Variants in NEDD4 observed in about 807,000 individuals in gnomAD.
The protein encoded by NEDD4 is NEDD4 E3 ubiquitin protein ligase.
A neutral mutation model predicts 144.9 loss-of-function variants in NEDD4; 99 were observed. The ratio of observed to expected loss-of-function variants is 0.68; its 90% CI spans 0.58 to 0.81. The LOEUF is 0.81. NEDD4 is among the 30% of genes least tolerant of loss of function. NEDD4 has a pLI of 0.00. For missense variants in NEDD4, 985 were observed against 1,065.9 expected (o/e 0.92, Z 1.06); for synonymous variants, 318 against 350.6 (o/e 0.91, Z 1.04).
At chr15:55,858,484 T>C (rs1173161809) in intron 11 of NEDD4, among the ~76,000 whole-genome samples, 1 of 152,078 alleles carries the variant, frequency 6.6e-6, no homozygotes, top group Non-Finnish European at 1.5e-5. Flanking sequence ...ATTTTTGTAT[T>C]TTTAGTAGTG....
intron 18 of NEDD4, among the ~76,000 whole-genome samples, chr15:55,845,255 T>C (rs1362433404): frequency 2.0e-5 from 3 of 152,186 alleles, no homozygotes; most frequent in African/African-American, 7.2e-5. Flanking sequence ...TTAATTTCTC[T>C]CTTAATTCTC....
At chr15:55,889,806 T>G (rs909907324) in intron 5 of NEDD4, among the ~76,000 whole-genome samples, 1 of 152,112 alleles carries the variant, frequency 6.6e-6, no homozygotes, top group Admixed American at 6.6e-5. Flanking sequence ...GTTCAAGCAA[T>G]TCTTGTGCCT....
chr15:55,915,410 G>A, intron 5 of NEDD4: 1 of 1,613,736 alleles, frequency 6.2e-7, no homozygotes, highest in Non-Finnish European at 8.5e-7. Flanking sequence ...TAGAACAATT[G>A]TGCTTAAGGC....
At chr15:55,910,058 C>T (rs1026545942) in intron 5 of NEDD4, among the ~76,000 whole-genome samples, 6 of 152,128 alleles carry the variant, frequency 3.9e-5, no homozygotes, top group African/African-American at 4.8e-5. Flanking sequence ...GGTGAAAGAA[C>T]GTAAGACTGT....
chr15:55,863,896 G>A (rs942116022), intron 8 of NEDD4, among the ~76,000 whole-genome samples: 4 of 152,200 alleles, frequency 2.6e-5, no homozygotes, highest in African/African-American at 4.8e-5. Flanking sequence ...CTGCTACAGT[G>A]AACTCTCTAG....
Position 55,860,382 on chromosome 15 carries a change from G to A in NEDD4, c.960+25C>T, listed in dbSNP as rs370132620. 3.5e-5 allele frequency: 57 copies of A among 1,610,666 alleles called. 1 individual carries two copies. The highest frequency in any genetic ancestry group is 8.9e-5 in the East Asian group (4 of 44,860). ...ATGCATAATATAAACTACTGAAGCC[G>A]TAACAAAATCTAAGAGCATCTTACT... On this transcript the variant is annotated intron_variant, in intron 11 of 28. Transcript: ENST00000435532.
intron 4 of NEDD4, among the ~76,000 whole-genome samples, chr15:55,929,790 G>C (rs2064475178): frequency 6.6e-6 from 1 of 152,108 alleles, no homozygotes; most frequent in Non-Finnish European, 1.5e-5. Flanking sequence ...AGGAAAAAGA[G>C]ATAATTTAGG....
intron 5 of NEDD4, among the ~76,000 whole-genome samples, chr15:55,886,865 C>A (rs76548200): frequency 6.6e-6 from 1 of 151,012 alleles, no homozygotes; most frequent in South Asian, 2.1e-4. Context: ...ACAAAAACAT[C>A]GAAATTAAAT....
In NEDD4 at chr15:55,839,998, AAATATATATATATATATATATATAT is replaced by A. The variant is rs1386060525; in HGVS notation, c.2031+424_2031+448del. On this transcript the variant is annotated intron_variant, in intron 21 of 28. Coordinates refer to ENST00000435532, the MANE Select transcript of NEDD4 (RefSeq NM_006154.4). ...CAAAAAAAAAAAAAAAAAAAAAAAA[AAATATATATATATATATATATATAT>A]ATATATATATATATATATAACATTC... Among the ~76,000 whole-genome samples the A allele has an allele frequency of 9.4e-4, 23 of 24,400 alleles. 1 individual carries two copies. The highest frequency in any genetic ancestry group is 2.9e-3 in the African/African-American group (22 of 7,652). The allele number at this position is 24,400 out of a possible 152,430, so 16.0% of individuals were successfully genotyped here. A position where few individuals can be genotyped will look rare whatever the true frequency, so the allele number is the denominator to read the frequency against.
chr15:55,960,556 G>T (rs1185291455), intron 2 of NEDD4, among the ~76,000 whole-genome samples: 1 of 152,158 alleles, frequency 6.6e-6, no homozygotes, highest in Non-Finnish European at 1.5e-5. Flanking sequence ...TATTTTTGAG[G>T]TTTTGGGACT....
chr15:55,916,839 C>A (rs2036466760), intron 5 of NEDD4: 1 of 1,580,848 alleles, frequency 6.3e-7, no homozygotes, highest in South Asian at 1.2e-5. Flanking sequence ...CATTTGTTCT[C>A]ATTTCCAAAC....
At chr15:55,906,342 T>C (rs575646271) in intron 5 of NEDD4, among the ~76,000 whole-genome samples, 4 of 152,292 alleles carry the variant, frequency 2.6e-5, no homozygotes, top group South Asian at 4.1e-4. Context: ...CGTATGTTTA[T>C]TGCAGCACTA....
chr15:55,883,372 G>C (rs2035264386), intron 5 of NEDD4, among the ~76,000 whole-genome samples: 1 of 152,166 alleles, frequency 6.6e-6, no homozygotes, highest in Non-Finnish European at 1.5e-5. Flanking sequence ...CAGCAGAATA[G>C]TGTACAAGGT....
intron 4 of NEDD4, among the ~76,000 whole-genome samples, chr15:55,940,937 CAG>C (rs1313716795): frequency 1.3e-5 from 2 of 152,096 alleles, no homozygotes; most frequent in African/African-American, 4.8e-5. Context: ...ATTCCTCTAA[CAG>C]ATATCCATAT....
intron 5 of NEDD4, among the ~76,000 whole-genome samples, chr15:55,891,118 GA>G (rs1290803699): frequency 1.3e-5 from 2 of 152,160 alleles, no homozygotes; most frequent in Non-Finnish European, 2.9e-5. Flanking sequence ...CACATGGTGA[GA>G]ATTTTCTTGT....
intron 4 of NEDD4, among the ~76,000 whole-genome samples, chr15:55,943,573 G>A (rs1205901815): frequency 6.6e-6 from 1 of 152,218 alleles, no homozygotes; most frequent in Non-Finnish European, 1.5e-5. Context: ...CTGCAGGTGG[G>A]CACAGGGCAA....
chr15:55,976,592 G>T (rs1272618042), intron 1 of NEDD4, among the ~76,000 whole-genome samples: 1 of 151,262 alleles, frequency 6.6e-6, no homozygotes, highest in African/African-American at 2.4e-5. Flanking sequence ...GCAAGAACGT[G>T]GCAAAAGGGG....
intron 2 of NEDD4, among the ~76,000 whole-genome samples, chr15:55,955,154 G>A (rs140965590): frequency 2.6e-5 from 4 of 151,882 alleles, no homozygotes; most frequent in African/African-American, 7.2e-5. Flanking sequence ...CCCAAGTAGC[G>A]GGGACTACAG....
chr15:55,877,889 C>T (rs2035048797), intron 5 of NEDD4, among the ~76,000 whole-genome samples: 1 of 151,978 alleles, frequency 6.6e-6, no homozygotes, highest in South Asian at 2.1e-4. Flanking sequence ...TTGAGAGTCA[C>T]TTCAGGTTAG....
Sources: gnomAD v4.1 joint callset for allele counts (sites outside exome capture counted in the v4.1 genomes callset) on GRCh38, gnomAD v4.1.1 for gene constraint, MANE v1.5 for transcripts, NCBI Gene and HGNC (gene_info 2026-07-23, HGNC 2026-07-21) for gene names.